IARS2: variants seen among roughly 807,000 people sequenced by gnomAD.
The protein encoded by IARS2 is isoleucine--tRNA ligase, mitochondrial.
In IARS2, 56 loss-of-function variants were observed where a neutral mutation model predicts 126.3. That is an observed-to-expected ratio of 0.44 (90% CI 0.36 to 0.55). The LOEUF is 0.55. Among genes scored for constraint, IARS2 ranks in the 20% least tolerant of loss-of-function variants. The pLI is 0.00. For synonymous variants in IARS2, 407 were observed against 441.1 expected (o/e 0.92, Z 0.97); for missense variants, 1,127 against 1,245.9 (o/e 0.90, Z 1.44).
chr1:220,136,513 G>A (rs1657377810), intron 15 of IARS2, among the ~76,000 whole-genome samples: 1 of 151,724 alleles, frequency 6.6e-6, no homozygotes, highest in African/African-American at 2.4e-5. Flanking sequence ...GCCGAGTTAG[G>A]TGGATCCCCT....
At chr1:220,115,403 A>G (rs1018347856) in intron 12 of IARS2, among the ~76,000 whole-genome samples, 1 of 152,018 alleles carries the variant, frequency 6.6e-6, no homozygotes, top group Non-Finnish European at 1.5e-5. Context: ...TCTACCGAAA[A>G]TACAAAAATT....
intron 14 of IARS2, among the ~76,000 whole-genome samples, chr1:220,130,560 C>G (rs941213428): frequency 2.0e-5 from 3 of 151,966 alleles, no homozygotes; most frequent in African/African-American, 7.2e-5. Context: ...GGTCTATTTT[C>G]TTTCTTTCTT....
intron 12 of IARS2, among the ~76,000 whole-genome samples, chr1:220,122,716 G>C (rs965664151): frequency 2.6e-5 from 4 of 152,108 alleles, no homozygotes; most frequent in African/African-American, 9.7e-5. Context: ...TATATACATA[G>C]TTTTGTATAC....
At chr1:220,122,296 A>G (rs1224182286) in intron 12 of IARS2, among the ~76,000 whole-genome samples, 1 of 152,232 alleles carries the variant, frequency 6.6e-6, no homozygotes, top group Non-Finnish European at 1.5e-5. Flanking sequence ...AAGTCCAGTT[A>G]GAGTCTGGTC....
At chr1:220,131,687 T>C (rs1460716143) in intron 14 of IARS2, among the ~76,000 whole-genome samples, 1 of 151,916 alleles carries the variant, frequency 6.6e-6, no homozygotes, top group Non-Finnish European at 1.5e-5. Context: ...GGTTTCACCA[T>C]GTTGGCCAGG....
intron 11 of IARS2, among the ~76,000 whole-genome samples, chr1:220,111,183 ACTTT>A (rs1432410981): frequency 6.6e-6 from 1 of 152,170 alleles, no homozygotes; most frequent in Non-Finnish European, 1.5e-5. Flanking sequence ...TAGTAGATAG[ACTTT>A]CTTGCCCAGT....
intron 12 of IARS2, 126 bp from the exon 13 acceptor site, chr1:220,125,111 G>A (rs757309217): frequency 2.0e-5 from 10 of 510,202 alleles, no homozygotes; most frequent in African/African-American, 7.6e-5. Flanking sequence ...TAAAATGATA[G>A]CAGCTTTTTC....
At chr1:220,111,598 A>ATATATGTGTG (rs374024744) in intron 11 of IARS2, among the ~76,000 whole-genome samples, 1,371 of 134,794 alleles carry the variant, frequency 0.01, 11 homozygotes, top group African/African-American at 0.027. Flanking sequence ...ATATATATAT[A>ATATATGTGTG]TGTGTGTGTG....
intron 21 of IARS2, chr1:220,144,166 ACAATTTTCC>A (rs1326249417): frequency 1.3e-6 from 1 of 797,930 alleles, no homozygotes; most frequent in Non-Finnish European, 2.2e-6. Flanking sequence ...GAGGTTCACA[ACAATTTTCC>A]CAGCTCTGTG....
At chr1:220,110,061 A>AT (rs957542327) in intron 10 of IARS2, among the ~76,000 whole-genome samples, 4 of 150,524 alleles carry the variant, frequency 2.7e-5, no homozygotes, top group Admixed American at 6.6e-5. Flanking sequence ...TTTTTATTTT[A>AT]TTTTTTTTTG....
intron 12 of IARS2, among the ~76,000 whole-genome samples, chr1:220,114,718 A>G (rs1025151083): frequency 3.3e-5 from 5 of 152,088 alleles, no homozygotes; most frequent in Non-Finnish European, 5.9e-5. Flanking sequence ...ATGAGAATTT[A>G]TTGGGCTGTA....
intron 12 of IARS2, among the ~76,000 whole-genome samples, chr1:220,119,852 C>T (rs1205322367): frequency 6.6e-6 from 1 of 152,086 alleles, no homozygotes; most frequent in Non-Finnish European, 1.5e-5. Flanking sequence ...ATGAACATAA[C>T]TTATCCAGTG....
At chr1:220,129,379 T>A (rs1039531356) in intron 14 of IARS2, among the ~76,000 whole-genome samples, 1 of 137,056 alleles carries the variant, frequency 7.3e-6, no homozygotes, top group African/African-American at 2.8e-5. Context: ...ATTTTATATC[T>A]TCTCTTCTAG....
rs187251505 is a variant in IARS2, at chr1:220,102,355, T to C, written c.700-8T>C. 7.6e-5 allele frequency: 123 copies of C among 1,613,364 alleles called. No individual in the cohort carries two copies. In the East Asian group the frequency reaches 2.4e-3, roughly 31 times the overall value. Reference sequence around the variant, plus strand: ...CTACTTTTAACATCATATTTTTGTCTTTTATAGGGCTTGGTTTATCGATCT... The same window carrying C: ...CTACTTTTAACATCATATTTTTGTCCTTTATAGGGCTTGGTTTATCGATCT... On this transcript the variant is annotated splice_polypyrimidine_tract_variant and splice_region_variant and intron_variant, in intron 4 of 22. Transcript: ENST00000366922.
At chr1:220,128,082 G>A (rs925058354) in intron 14 of IARS2, among the ~76,000 whole-genome samples, 2 of 152,088 alleles carry the variant, frequency 1.3e-5, no homozygotes, top group Admixed American at 1.3e-4. Flanking sequence ...TGACTGCACA[G>A]GTCTACTTAT....
intron 11 of IARS2, 146 bp from the exon 12 acceptor site, chr1:220,114,168 T>C: frequency 1.5e-6 from 1 of 656,776 alleles, no homozygotes; most frequent in Non-Finnish European, 2.7e-6. Flanking sequence ...CTTTTAGTTC[T>C]TTAGTTGTTT....
rs182226161 is a variant in IARS2 at position 220,102,352 on chromosome 1, G to C, written c.700-11G>C. The C allele has an allele frequency of 4.9e-4, 788 of 1,612,512 alleles. 2 individuals carry two copies. In the African/African-American group the frequency reaches 8.8e-3, roughly 18 times the overall value. On this transcript the variant is annotated splice_polypyrimidine_tract_variant and intron_variant, in intron 4 of 22. Coordinates refer to ENST00000366922, the MANE Select transcript of IARS2 (RefSeq NM_018060.4). ...ATTCTACTTTTAACATCATATTTTT[G>C]TCTTTTATAGGGCTTGGTTTATCGA...
chr1:220,137,650 T>G, intron 16 of IARS2: 2 of 334,634 alleles, frequency 6.0e-6, no homozygotes, highest in South Asian at 8.8e-5. Flanking sequence ...CCAGCTGTAA[T>G]AGAGGAAACA....
chr1:220,108,917 C>T (rs1018903814), intron 10 of IARS2, among the ~76,000 whole-genome samples: 1 of 124,306 alleles, frequency 8.0e-6, no homozygotes, highest in Non-Finnish European at 1.6e-5. Context: ...CAAAAAGACA[C>T]TTGTCAATAT....
Sources: gnomAD v4.1 joint callset for allele counts (sites outside exome capture counted in the v4.1 genomes callset) on GRCh38, gnomAD v4.1.1 for gene constraint, MANE v1.5 for transcripts, NCBI Gene and HGNC (gene_info 2026-07-23, HGNC 2026-07-21) for gene names.